The following SGCZ variants were observed in gnomAD, a reference collection of about 807,000 sequenced individuals.
SGCZ encodes sarcoglycan zeta, also known as zeta-sarcoglycan.
A neutral mutation model predicts 41.3 loss-of-function variants in SGCZ; 40 were observed. The ratio of observed to expected loss-of-function variants is 0.97; its 90% CI spans 0.75 to 1.26. SGCZ has a LOEUF of 1.26. Ranked by LOEUF, SGCZ falls within the 50% of genes most tolerant of loss-of-function variation. SGCZ has a pLI of 0.00. For missense variants in SGCZ, 552 were observed against 369.8 expected (o/e 1.49, Z -4.04); for synonymous variants, 206 against 137.5 (o/e 1.50, Z -3.49).
chr8:14,855,695 CT>C (rs1397718251), intron 1 of SGCZ, among the ~76,000 whole-genome samples: 2 of 152,178 alleles, frequency 1.3e-5, no homozygotes, highest in Non-Finnish European at 2.9e-5. Flanking sequence ...CAACAGAGGC[CT>C]GAGTCTTAGG....
chr8:14,898,513 C>T (rs912153678), intron 1 of SGCZ, among the ~76,000 whole-genome samples: 1 of 152,028 alleles, frequency 6.6e-6, no homozygotes, highest in African/African-American at 2.4e-5. Context: ...AGGTTGTGTT[C>T]TTAAAATATT....
intron 1 of SGCZ, among the ~76,000 whole-genome samples, chr8:14,958,146 A>AT (rs1415350762): frequency 6.6e-6 from 1 of 151,912 alleles, no homozygotes; most frequent in African/African-American, 2.4e-5. Flanking sequence ...TTTATTTGAA[A>AT]TTTTTTCTTT....
At position 14,334,270 on chromosome 8, in the gene SGCZ, C is replaced by G. The variant is rs202063549; in HGVS notation, c.235-10066G>C. Among the ~76,000 whole-genome samples, 3 of 152,134 alleles carry G rather than the reference C, an allele frequency of 2.0e-5. No homozygotes were observed. In the East Asian group the frequency reaches 5.8e-4, roughly 29 times the overall value. On this transcript the variant is annotated intron_variant, in intron 2 of 7. Coordinates refer to ENST00000382080, the MANE Select transcript of SGCZ (RefSeq NM_139167.4). ...TTTAATTTCCACCCTAACTATGGCA[C>G]TAAATATATTAATAATAGCTCAGTT... is the stretch of plus-strand genomic sequence containing the variant.
intron 1 of SGCZ, among the ~76,000 whole-genome samples, chr8:14,581,305 C>T (rs1484753742): frequency 6.6e-6 from 1 of 152,056 alleles, no homozygotes; most frequent in Non-Finnish European, 1.5e-5. Flanking sequence ...CGGGGTTTCC[C>T]CATGTTAGCC....
intron 1 of SGCZ, among the ~76,000 whole-genome samples, chr8:14,613,751 G>T (rs575387341): frequency 9.2e-5 from 14 of 152,186 alleles, no homozygotes; most frequent in African/African-American, 2.9e-4. Context: ...TATGGAGAGG[G>T]TTACAGGAAA....
intron 2 of SGCZ, among the ~76,000 whole-genome samples, chr8:14,454,318 A>T (rs1165175866): frequency 6.6e-6 from 1 of 152,162 alleles, no homozygotes; most frequent in Non-Finnish European, 1.5e-5. Context: ...CATTACTGTA[A>T]ATGAAGCCAA....
At chr8:14,599,696 T>G (rs1035688352) in intron 1 of SGCZ, among the ~76,000 whole-genome samples, 10 of 152,240 alleles carry the variant, frequency 6.6e-5, no homozygotes, top group Admixed American at 5.9e-4. Flanking sequence ...TCCTAATAAA[T>G]GAACACGTGT....
chr8:14,821,533 T>G (rs1802084801), intron 1 of SGCZ, among the ~76,000 whole-genome samples: 1 of 152,048 alleles, frequency 6.6e-6, no homozygotes, highest in African/African-American at 2.4e-5. Flanking sequence ...TATAGGCTAA[T>G]ATCCCTGATG....
intron 2 of SGCZ, among the ~76,000 whole-genome samples, chr8:14,341,671 G>T (rs937511856): frequency 6.6e-6 from 1 of 152,100 alleles, no homozygotes; most frequent in Non-Finnish European, 1.5e-5. Context: ...TTATAGGAGG[G>T]ACCCAAGAGG....
intron 1 of SGCZ, among the ~76,000 whole-genome samples, chr8:14,836,448 A>G (rs7818282): frequency 6.6e-6 from 1 of 152,132 alleles, no homozygotes; most frequent in South Asian, 2.1e-4. Context: ...ATAACCTGGT[A>G]TCCCGCTTTC....
intron 2 of SGCZ, among the ~76,000 whole-genome samples, chr8:14,545,564 T>G (rs1803600526): frequency 1.3e-5 from 2 of 152,166 alleles, no homozygotes; most frequent in African/African-American, 4.8e-5. Context: ...CTTGCAAAAA[T>G]AAGTTTACAT....
chr8:14,646,779 G>A (rs1431172861), intron 1 of SGCZ, among the ~76,000 whole-genome samples: 1 of 151,160 alleles, frequency 6.6e-6, no homozygotes, highest in Non-Finnish European at 1.5e-5. Flanking sequence ...CCATTTTTTT[G>A]TTCATATATT....
intron 1 of SGCZ, among the ~76,000 whole-genome samples, chr8:15,228,183 A>G (rs1479596088): frequency 2.0e-5 from 3 of 152,236 alleles, no homozygotes; most frequent in Non-Finnish European, 4.4e-5. Flanking sequence ...TCATCTTTAT[A>G]AAATGAAAGC....
intron 2 of SGCZ, among the ~76,000 whole-genome samples, chr8:14,491,232 C>T (rs769511324): frequency 6.6e-6 from 1 of 152,138 alleles, no homozygotes; most frequent in African/African-American, 2.4e-5. Context: ...GGCGATACAC[C>T]GAACAGACAC....
chr8:14,458,406 G>C (rs78337450), intron 2 of SGCZ, among the ~76,000 whole-genome samples: 1,672 of 152,132 alleles, frequency 0.011, 30 homozygotes, highest in African/African-American at 0.038. Flanking sequence ...TTTCTCACAG[G>C]GTTATGCGTA....
intron 2 of SGCZ, among the ~76,000 whole-genome samples, chr8:14,553,933 C>G (rs1299664552): frequency 6.6e-6 from 1 of 151,856 alleles, no homozygotes; most frequent in Non-Finnish European, 1.5e-5. Flanking sequence ...TCTGAGGTCC[C>G]CAAGGAAAAG....
At chr8:14,841,665 C>T (rs1802919386) in intron 1 of SGCZ, among the ~76,000 whole-genome samples, 1 of 152,122 alleles carries the variant, frequency 6.6e-6, no homozygotes, top group Non-Finnish European at 1.5e-5. Context: ...GTTATGAGTG[C>T]TATTGGAAGG....
At chr8:14,889,741 T>C (rs965001057) in intron 1 of SGCZ, among the ~76,000 whole-genome samples, 2 of 152,060 alleles carry the variant, frequency 1.3e-5, no homozygotes, top group African/African-American at 4.8e-5. Context: ...AATATAGATA[T>C]TTTGTGTATT....
Position 14,702,884 on chromosome 8 carries a change from A to G in SGCZ, c.40-147958T>C, listed in dbSNP as rs895107493. On this transcript the variant is annotated intron_variant, in intron 1 of 7. Coordinates refer to ENST00000382080, the MANE Select transcript of SGCZ (RefSeq NM_139167.4). Reference sequence around the variant, plus strand: ...AGATAGATAGATAGATAGATAGATAAAAAGATAGATAGACAGGCAGACAGG... The same window carrying G: ...AGATAGATAGATAGATAGATAGATAGAAAGATAGATAGACAGGCAGACAGG... 1.0e-4 allele frequency among the ~76,000 whole-genome samples: 13 copies of G among 127,208 alleles called. 1 individual carries two copies. Among genetic ancestry groups the G allele is most frequent in the African/African-American group, 3.6e-4 (11 of 30,364 alleles). 83.5% of individuals were successfully genotyped at this position (127,208 alleles called of 152,430 possible).
Sources: gnomAD v4.1 joint callset for allele counts (sites outside exome capture counted in the v4.1 genomes callset) on GRCh38, gnomAD v4.1.1 for gene constraint, MANE v1.5 for transcripts, NCBI Gene and HGNC (gene_info 2026-07-23, HGNC 2026-07-21) for gene names.